The following USP25 variants were observed in gnomAD, a reference collection of about 807,000 sequenced individuals.
The protein encoded by USP25 is ubiquitin specific peptidase 25.
In USP25, 85 loss-of-function variants were observed where a neutral mutation model predicts 158.5. The ratio of observed to expected loss-of-function variants is 0.54; its 90% CI spans 0.45 to 0.64. The LOEUF is 0.64. USP25 is among the 30% of genes least tolerant of loss of function. The pLI is 0.00. For synonymous variants in USP25, 464 were observed against 460.4 expected, an observed-to-expected ratio of 1.01 and a Z score of -0.10; for missense variants, 1,242 against 1,327.3, an observed-to-expected ratio of 0.94 and a Z score of 1.00.
intron 10 of USP25, among the ~76,000 whole-genome samples, chr21:15,823,051 T>C (rs2037313101): frequency 6.6e-6 from 1 of 152,072 alleles, no homozygotes; most frequent in Non-Finnish European, 1.5e-5. Flanking sequence ...TTCATGCTTT[T>C]TTTGGATGTT....
In USP25 at chr21:15,805,125, A is replaced by G. The variant is rs756454413; in HGVS notation, c.647A>G (p.His216Arg). 8 of 1,584,590 alleles carry G rather than the reference A, an allele frequency of 5.0e-6. No individual in the cohort carries two copies. In the Admixed American group the frequency reaches 9.5e-5, roughly 19 times the overall value. The stretch of plus-strand genomic sequence containing the variant: ...TTTGTTTTTTTCCTTCAATAGGAAC[A>G]TCGGAATTTGCCTTTTATGCGTGAG... ...AQDLPRNQKE[H>R]RNLPFMRELR... The change falls in exon 7 of 26, where the codon CAT becomes CGT. Residue 216 changes from histidine to arginine, a missense_variant. His to Arg is a conservative substitution (Grantham distance 29). Around this residue, in one of 3 missense-constraint regions of USP25, gnomAD observed 627 missense variants for 701.4 expected, o/e 0.89. Transcript: ENST00000400183.
intron 23 of USP25, among the ~76,000 whole-genome samples, chr21:15,873,491 G>A (rs1181206663): frequency 6.6e-6 from 1 of 151,442 alleles, no homozygotes; most frequent in African/African-American, 2.4e-5. Flanking sequence ...TAACACATAT[G>A]CCTAATTCTA....
chr21:15,755,218 CG>C lies in USP25; in HGVS notation c.46-7672del, dbSNP rs1162702493. 2.0e-5 allele frequency among the ~76,000 whole-genome samples: 3 copies of C among 151,214 alleles called. No homozygotes were observed. The East Asian group carries it at 5.8e-4, about 29-fold the overall frequency. ...TTTTTAGAGGTCATTCTAAGAGTTG[CG>C]CCCCCCGCCTTACACCTATCCCCAA... is the stretch of plus-strand genomic sequence containing the variant. On this transcript the variant is annotated intron_variant, in intron 1 of 25. Transcript: ENST00000400183.
intron 1 of USP25, among the ~76,000 whole-genome samples, chr21:15,756,305 G>A (rs1004966377): frequency 4.6e-5 from 7 of 152,136 alleles, no homozygotes; most frequent in Admixed American, 6.5e-5. Context: ...AAGGGAAAAC[G>A]GGGAGGCAGG....
chr21:15,788,353 A>G (rs2035409979), intron 4 of USP25, among the ~76,000 whole-genome samples: 1 of 152,052 alleles, frequency 6.6e-6, no homozygotes, highest in Admixed American at 6.6e-5. Flanking sequence ...AGGTGGAGCA[A>G]TAGAGCAGTA....
At chr21:15,781,076 A>G (rs2034934683) in intron 4 of USP25, among the ~76,000 whole-genome samples, 1 of 152,234 alleles carries the variant, frequency 6.6e-6, no homozygotes, top group Admixed American at 6.5e-5. Context: ...GAACAGCAGC[A>G]GTGTAACTTG....
At chr21:15,817,667 A>T (rs1231879077) in intron 9 of USP25, among the ~76,000 whole-genome samples, 3 of 152,166 alleles carry the variant, frequency 2.0e-5, no homozygotes, top group Non-Finnish European at 2.9e-5. Context: ...GGCATGTCTC[A>T]CTTGGTGGCA....
At chr21:15,877,260 C>T (rs1226345365) in intron 24 of USP25, 1 of 152,324 alleles carries the variant, frequency 6.6e-6, no homozygotes, top group Non-Finnish European at 1.5e-5. Context: ...GTATTAATCA[C>T]TTGAGTGCCC....
chr21:15,757,191 G>C (rs1352947843), intron 1 of USP25, among the ~76,000 whole-genome samples: 1 of 152,072 alleles, frequency 6.6e-6, no homozygotes, highest in African/African-American at 2.4e-5. Flanking sequence ...CAGTAACAAA[G>C]GGAAAAAAAC....
chr21:15,760,770 A>G (rs1203221008), intron 1 of USP25, among the ~76,000 whole-genome samples: 1 of 152,162 alleles, frequency 6.6e-6, no homozygotes, highest in African/African-American at 2.4e-5. Flanking sequence ...TTTTCTCCCC[A>G]AACCATTTGA....
chr21:15,839,676 A>G (rs1005856294), intron 17 of USP25, among the ~76,000 whole-genome samples: 2 of 152,046 alleles, frequency 1.3e-5, no homozygotes, highest in African/African-American at 4.8e-5. Flanking sequence ...TTGAAGACAA[A>G]ACCTCTTTTT....
chr21:15,799,781 A>G lies in USP25; in HGVS notation c.580A>G (p.Arg194Gly), dbSNP rs747400380. ...IQSLFNLLEF[R>G]RLVLNYKPPS... ...GTCATTATTTAATCTTTTGGAATTT[A>G]GAAGATTAGTTCTGAATTACAAGCC... The change falls in exon 6 of 26, where the codon AGA (arginine) becomes GGA (glycine). Residue 194 changes from arginine to glycine, a missense_variant. Physicochemically the swap from Arg to Gly is moderately radical, Grantham distance 125. This residue lies in a region of USP25 where 627 missense variants were observed against 701.4 expected (regional missense o/e 0.89). Coordinates refer to ENST00000400183, the MANE Select transcript of USP25 (RefSeq NM_001283041.3). 1 of 1,599,008 alleles carries G rather than the reference A, an allele frequency of 6.3e-7. No homozygotes were observed. Among genetic ancestry groups the G allele is most frequent in the African/African-American group, 1.4e-5 (1 of 73,992 alleles).
intron 1 of USP25, among the ~76,000 whole-genome samples, chr21:15,740,882 C>G (rs548512791): frequency 6.6e-6 from 1 of 151,908 alleles, no homozygotes; most frequent in South Asian, 2.1e-4. Context: ...CACCACCCCC[C>G]ACCCCCACAC....
rs1555817369 is a variant in USP25, at chr21:15,730,356, G to GCGCCAC, written c.-33_-28dup. 4 of 1,171,380 alleles carry GCGCCAC rather than the reference G, an allele frequency of 3.4e-6. No homozygotes were observed. Among genetic ancestry groups the GCGCCAC allele is most frequent in the Non-Finnish European group, 4.2e-6 (4 of 951,630 alleles). 72.6% of individuals were successfully genotyped at this position (1,171,380 alleles called of 1,614,324 possible). A position where few individuals can be genotyped will look rare whatever the true frequency, so the allele number is the denominator to read the frequency against. On this transcript the variant is annotated 5_prime_UTR_variant, in exon 1 of 26. Transcript: ENST00000400183. The stretch of plus-strand genomic sequence containing the variant: ...GGCCGGCGGAGGCGCGAGGAGCCGG[G>GCGCCAC]CGCCACCGCCGCCGCCGCCGCCGCC...
chr21:15,835,717 G>GT (rs2038033236), intron 17 of USP25, among the ~76,000 whole-genome samples: 1 of 152,124 alleles, frequency 6.6e-6, no homozygotes, highest in African/African-American at 2.4e-5. Flanking sequence ...GGGTTATTTA[G>GT]AAAGCAGTGG....
intron 1 of USP25, among the ~76,000 whole-genome samples, chr21:15,756,413 G>A (rs539866155): frequency 8.5e-5 from 13 of 152,186 alleles, no homozygotes; most frequent in South Asian, 6.2e-4. Flanking sequence ...CATTGTTTTC[G>A]TAACCTCAAC....
At chr21:15,737,268 G>A (rs1325522754) in intron 1 of USP25, among the ~76,000 whole-genome samples, 1 of 151,900 alleles carries the variant, frequency 6.6e-6, no homozygotes, top group Non-Finnish European at 1.5e-5. Context: ...CTTATATGTG[G>A]TCAGATAGTT....
At chr21:15,825,134 A>G (rs2037436578) in intron 12 of USP25, 73 bp downstream of exon 12, 2 of 1,180,838 alleles carry the variant, frequency 1.7e-6, no homozygotes, top group African/African-American at 3.1e-5. Flanking sequence ...TTTTAATTTC[A>G]AATTTGCTTT....
chr21:15,812,058 T>A (rs973004152), intron 9 of USP25, among the ~76,000 whole-genome samples: 7 of 151,978 alleles, frequency 4.6e-5, no homozygotes, highest in African/African-American at 1.7e-4. Context: ...CTTAGTGACA[T>A]GTTCGTACGT....
Sources: gnomAD v4.1 joint callset for allele counts (sites outside exome capture counted in the v4.1 genomes callset) on GRCh38, gnomAD v4.1.1 for gene constraint, gnomAD v4.1.1 regional missense constraint, MANE v1.5 for transcripts, NCBI Gene and HGNC (gene_info 2026-07-23, HGNC 2026-07-21) for gene names.